The following CSMD1 variants were observed in gnomAD, a reference collection of about 807,000 sequenced individuals.
CSMD1 encodes CUB and Sushi multiple domains 1.
A neutral mutation model predicts 417.5 loss-of-function variants in CSMD1; 213 were observed. The observed-to-expected ratio is 0.51, with a 90% CI of 0.46 to 0.57. The LOEUF (loss-of-function observed/expected upper bound fraction) is 0.57, where lower values mean the gene tolerates loss of function less well. Ranked by LOEUF, CSMD1 falls within the 20% of genes least tolerant of loss-of-function variation. The pLI is 0.00. For missense variants in CSMD1, 6,923 were observed against 4,529.7 expected (o/e 1.53, Z -15.17); for synonymous variants, 2,862 against 1,736.8 (o/e 1.65, Z -16.11).
At chr8:4,558,774 A>G (rs1798203809) in intron 2 of CSMD1, among the ~76,000 whole-genome samples, 3 of 152,184 alleles carry the variant, frequency 2.0e-5, no homozygotes, top group Non-Finnish European at 2.9e-5. Flanking sequence ...AGGCTGAGGC[A>G]GGAGAATTGC....
intron 3 of CSMD1, among the ~76,000 whole-genome samples, chr8:4,220,717 G>C (rs1001126635): frequency 2.0e-5 from 3 of 152,214 alleles, no homozygotes; most frequent in Admixed American, 6.5e-5. Context: ...CATGCATTGA[G>C]CAATTCACTA....
At chr8:4,381,579 G>A (rs1803106564) in intron 3 of CSMD1, among the ~76,000 whole-genome samples, 1 of 152,060 alleles carries the variant, frequency 6.6e-6, no homozygotes, top group Non-Finnish European at 1.5e-5. Context: ...CTGCCCAAAA[G>A]CAATGACCAC....
At chr8:3,590,361 C>T (rs745521222) in intron 8 of CSMD1, among the ~76,000 whole-genome samples, 33 of 152,018 alleles carry the variant, frequency 2.2e-4, no homozygotes, top group Non-Finnish European at 4.3e-4. Context: ...TAGACCGTTC[C>T]TTTCTTCTCA....
At chr8:4,461,396 A>G (rs2129948995) in intron 2 of CSMD1, among the ~76,000 whole-genome samples, 1 of 152,118 alleles carries the variant, frequency 6.6e-6, no homozygotes, top group African/African-American at 2.4e-5. Flanking sequence ...GCATAAAGAT[A>G]GGTAAAGAAG....
chr8:4,852,136 C>A (rs1801517731), intron 1 of CSMD1, among the ~76,000 whole-genome samples: 2 of 152,288 alleles, frequency 1.3e-5, no homozygotes, highest in Middle Eastern at 6.8e-3. Flanking sequence ...CTGGGAACAC[C>A]ATATATGTTT....
intron 52 of CSMD1, among the ~76,000 whole-genome samples, chr8:3,003,040 T>G (rs1807553205): frequency 6.6e-6 from 1 of 152,236 alleles, no homozygotes; most frequent in South Asian, 2.1e-4. Flanking sequence ...AACAATGAGA[T>G]AGCAATCTGT....
chr8:4,736,139 A>T (rs749143463), intron 1 of CSMD1, among the ~76,000 whole-genome samples: 1 of 152,122 alleles, frequency 6.6e-6, no homozygotes, highest in Non-Finnish European at 1.5e-5. Flanking sequence ...CTACTGGATT[A>T]ACTCATTCTG....
chr8:3,841,517 G>A (rs1803130757), intron 5 of CSMD1, among the ~76,000 whole-genome samples: 2 of 152,086 alleles, frequency 1.3e-5, no homozygotes. Context: ...TTGTGGGGAT[G>A]TCTAGGGACT....
chr8:3,973,280 G>A (rs774940024), intron 5 of CSMD1, among the ~76,000 whole-genome samples: 68 of 152,274 alleles, frequency 4.5e-4, no homozygotes, highest in Non-Finnish European at 2.1e-4. Flanking sequence ...AGCCTCTTTA[G>A]GGTTCTCCCA....
intron 41 of CSMD1, among the ~76,000 whole-genome samples, chr8:3,125,241 A>AT (rs1817433744): frequency 6.6e-6 from 1 of 152,192 alleles, no homozygotes; most frequent in Non-Finnish European, 1.5e-5. Context: ...TGTGAGTGTG[A>AT]TGGGTTTCAT....
At chr8:4,114,812 A>T (rs914990065) in intron 3 of CSMD1, among the ~76,000 whole-genome samples, 1 of 152,178 alleles carries the variant, frequency 6.6e-6, no homozygotes, top group Non-Finnish European at 1.5e-5. Context: ...AAATAGCGAG[A>T]GGTAAAATTA....
At chr8:3,152,825 A>C (rs1819284081) in intron 39 of CSMD1, among the ~76,000 whole-genome samples, 1 of 152,226 alleles carries the variant, frequency 6.6e-6, no homozygotes, top group Non-Finnish European at 1.5e-5. Flanking sequence ...TTGTCCATGC[A>C]GCTGCTGAAT....
At chr8:3,447,652 G>C (rs1815385111) in intron 12 of CSMD1, among the ~76,000 whole-genome samples, 1 of 152,180 alleles carries the variant, frequency 6.6e-6, no homozygotes, top group East Asian at 1.9e-4. Context: ...TGCATTCTTT[G>C]CTGCTTTATT....
At chr8:3,603,749 C>G (rs1334601891) in intron 8 of CSMD1, among the ~76,000 whole-genome samples, 2 of 152,094 alleles carry the variant, frequency 1.3e-5, no homozygotes, top group Non-Finnish European at 2.9e-5. Flanking sequence ...GGGCTTGATT[C>G]TAACTTTACA....
At chr8:3,450,570 T>TG (rs1815638489) in intron 12 of CSMD1, among the ~76,000 whole-genome samples, 2 of 151,982 alleles carry the variant, frequency 1.3e-5, no homozygotes, top group Admixed American at 1.3e-4. Flanking sequence ...TGTTTGTTTT[T>TG]TTTTTGTCTT....
At chr8:3,121,414 G>C (rs546592010) in intron 41 of CSMD1, among the ~76,000 whole-genome samples, 22 of 152,272 alleles carry the variant, frequency 1.4e-4, no homozygotes, top group Admixed American at 5.2e-4. Flanking sequence ...AGTGGCAAAA[G>C]CATCTTGAGA....
intron 23 of CSMD1, among the ~76,000 whole-genome samples, chr8:3,340,065 C>T (rs1388290633): frequency 1.3e-5 from 2 of 152,208 alleles, no homozygotes; most frequent in Admixed American, 1.3e-4. Flanking sequence ...GGCAATTCCT[C>T]TGCATGTATC....
At chr8:4,040,960 C>G (rs935495452) in intron 3 of CSMD1, among the ~76,000 whole-genome samples, 6 of 150,614 alleles carry the variant, frequency 4.0e-5, no homozygotes, top group Non-Finnish European at 5.9e-5. Flanking sequence ...TACATTTTGA[C>G]TTCACTAGTG....
rs978480193 is a variant in CSMD1 at position 4,063,100 on chromosome 8, G to T, written c.416-31001C>A. 3.3e-5 allele frequency among the ~76,000 whole-genome samples: 5 copies of T among 152,230 alleles called. No individual in the cohort carries two copies. The East Asian group carries it at 9.6e-4, about 29-fold the overall frequency. On this transcript the variant is annotated intron_variant, in intron 3 of 69. Coordinates refer to ENST00000635120, the MANE Select transcript of CSMD1 (RefSeq NM_033225.6). ...AAACGTTCTAATGTTTGATAGCACT[G>T]TAAGTTGACTATAGCTAATAATTTA... is the stretch of plus-strand genomic sequence containing the variant.
Sources: gnomAD v4.1 joint callset for allele counts (sites outside exome capture counted in the v4.1 genomes callset) on GRCh38, gnomAD v4.1.1 for gene constraint, MANE v1.5 for transcripts, NCBI Gene and HGNC (gene_info 2026-07-23, HGNC 2026-07-21) for gene names.